SHROOM3: variants seen among roughly 807,000 people sequenced by gnomAD.
The protein encoded by SHROOM3 is shroom family member 3.
A neutral mutation model predicts 138.6 loss-of-function variants in SHROOM3; 47 were observed. The observed-to-expected ratio is 0.34, with a 90% CI of 0.27 to 0.43. The LOEUF is 0.43. SHROOM3 is among the 20% of genes least tolerant of loss of function. The pLI is 1.00. For missense variants in SHROOM3, 2,491 were observed against 2,596.5 expected (o/e 0.96, Z 0.88); for synonymous variants, 1,062 against 1,063.3 (o/e 1.00, Z 0.02).
intron 2 of SHROOM3, among the ~76,000 whole-genome samples, chr4:76,636,341 A>G (rs1177004192): frequency 6.6e-6 from 1 of 152,226 alleles, no homozygotes; most frequent in Non-Finnish European, 1.5e-5. Context: ...TCCAACCATT[A>G]GGAACTCTAA....
chr4:76,681,600 T>TGTGG (rs1719196506), intron 2 of SHROOM3, among the ~76,000 whole-genome samples: 1 of 123,730 alleles, frequency 8.1e-6, no homozygotes, highest in Non-Finnish European at 1.6e-5. Flanking sequence ...CTAGGGTGTG[T>TGTGG]GTGTGTGTGT....
intron 1 of SHROOM3, among the ~76,000 whole-genome samples, chr4:76,549,113 CA>C (rs1018361481): frequency 2.6e-5 from 4 of 152,034 alleles, no homozygotes; most frequent in Admixed American, 1.3e-4. Flanking sequence ...ATGAATAGTT[CA>C]AAAAAATTAC....
At chr4:76,557,718 C>T (rs1733515779) in intron 2 of SHROOM3, among the ~76,000 whole-genome samples, 1 of 152,158 alleles carries the variant, frequency 6.6e-6, no homozygotes, top group African/African-American at 2.4e-5. Flanking sequence ...ACATTGTACA[C>T]TTTGAATATA....
In SHROOM3 at chr4:76,609,417, A is replaced by G. The variant is rs540654967; in HGVS notation, c.323+53654A>G. On this transcript the variant is annotated intron_variant, in intron 2 of 10. Coordinates refer to ENST00000296043, the MANE Select transcript of SHROOM3 (RefSeq NM_020859.4). ...CTTGCTTCAGCCTCCTGGGTAGCTAAGACTACAGATTTATGCCACCATGCC... is the reference window on the plus strand; with the variant it reads ...CTTGCTTCAGCCTCCTGGGTAGCTAGGACTACAGATTTATGCCACCATGCC... Among the ~76,000 whole-genome samples, 6 of 152,294 alleles carry G rather than the reference A, an allele frequency of 3.9e-5. No individual in the cohort carries two copies. The South Asian group carries it at 1.2e-3, about 32-fold the overall frequency.
intron 2 of SHROOM3, among the ~76,000 whole-genome samples, chr4:76,608,600 CATAGCATAGCATTGGACAGAGATGGT>C (rs1560563199): frequency 5.5e-5 from 6 of 109,968 alleles, no homozygotes; most frequent in African/African-American, 1.1e-4. Context: ...CATAGCATAG[CATAGCATAGCATTGGACAGAGATGGT>C]ATAGCATAGC....
chr4:76,728,901 G>C lies in SHROOM3; in HGVS notation c.456-1903G>C, dbSNP rs942941327. Among the ~76,000 whole-genome samples, 5 of 151,854 alleles carry C rather than the reference G, an allele frequency of 3.3e-5. No individual in the cohort carries two copies. The South Asian group carries it at 8.3e-4, about 25-fold the overall frequency. ...GGGGAGCTCGGGGCAATACCTCACT[G>C]GGGAGCTCGGGGCTGGGCGCCTCAT... is the stretch of plus-strand genomic sequence containing the variant. On this transcript the variant is annotated intron_variant, in intron 3 of 10. Coordinates refer to ENST00000296043, the MANE Select transcript of SHROOM3 (RefSeq NM_020859.4).
chr4:76,546,390 C>T (rs991215407), intron 1 of SHROOM3, among the ~76,000 whole-genome samples: 1 of 152,196 alleles, frequency 6.6e-6, no homozygotes, highest in Non-Finnish European at 1.5e-5. Flanking sequence ...TACCCTGTGG[C>T]ACTCATTGCA....
At chr4:76,642,487 A>G (rs560691916) in intron 2 of SHROOM3, among the ~76,000 whole-genome samples, 2 of 152,302 alleles carry the variant, frequency 1.3e-5, no homozygotes, top group South Asian at 4.2e-4. Flanking sequence ...GGGATTAAGC[A>G]GGTTGGGAGG....
At chr4:76,545,339 C>T (rs1733190955) in intron 1 of SHROOM3, among the ~76,000 whole-genome samples, 4 of 152,138 alleles carry the variant, frequency 2.6e-5, no homozygotes, top group Admixed American at 1.3e-4. Context: ...CCCTTGTGGT[C>T]AGCTCCTTCC....
At chr4:76,610,726 T>A (rs1734742908) in intron 2 of SHROOM3, among the ~76,000 whole-genome samples, 1 of 152,192 alleles carries the variant, frequency 6.6e-6, no homozygotes, top group Non-Finnish European at 1.5e-5. Flanking sequence ...GCTGTTGGCA[T>A]CCGTGTAGAG....
intron 5 of SHROOM3, 85 bp from the exon 6 acceptor site, chr4:76,748,932 T>C (rs1024221495): frequency 7.5e-7 from 1 of 1,325,952 alleles, no homozygotes. Context: ...AAATAGGTGT[T>C]CCTTCTCCTT....
At chr4:76,625,330 T>C (rs1268163972) in intron 2 of SHROOM3, among the ~76,000 whole-genome samples, 2 of 152,230 alleles carry the variant, frequency 1.3e-5, no homozygotes, top group Non-Finnish European at 2.9e-5. Flanking sequence ...CTTCTTAGTT[T>C]TATACAGCTA....
At chr4:76,752,485 T>A (rs934249156) in intron 6 of SHROOM3, among the ~76,000 whole-genome samples, 4 of 151,918 alleles carry the variant, frequency 2.6e-5, no homozygotes, top group East Asian at 1.9e-4. Flanking sequence ...TTTTTTTTTT[T>A]AAAGCAAAAC....
rs531756798 is a variant in SHROOM3, at chr4:76,517,967, G to A, written c.169-37642G>A. Among the ~76,000 whole-genome samples, 89 of 152,334 alleles carry A rather than the reference G, an allele frequency of 5.8e-4. 3 individuals carry two copies. In the South Asian group the frequency reaches 0.018, roughly 30 times the overall value. On this transcript the variant is annotated intron_variant, in intron 1 of 10. Coordinates refer to ENST00000296043, the MANE Select transcript of SHROOM3 (RefSeq NM_020859.4). ...AACATGAAGACTTTTTCCTTACAAA[G>A]TAAATGATATGAATTGACTGTGGTA...
chr4:76,474,945 T>G lies in SHROOM3; in HGVS notation c.168+38725T>G, dbSNP rs150446132. Among the ~76,000 whole-genome samples, 1,116 of 151,940 alleles carry G rather than the reference T, an allele frequency of 7.3e-3. 13 individuals carry two copies. Among genetic ancestry groups the G allele is most frequent in the African/African-American group, 0.026 (1,069 of 41,444 alleles). On this transcript the variant is annotated intron_variant, in intron 1 of 10. Coordinates refer to ENST00000296043, the MANE Select transcript of SHROOM3 (RefSeq NM_020859.4). ...CTGGCTCAAAAAAAAAAAAATTTTT[T>G]TTTTGAGAAAGTGAGGAATGTGATT... is the stretch of plus-strand genomic sequence containing the variant.
chr4:76,457,247 A>G (rs1246984759), intron 1 of SHROOM3, among the ~76,000 whole-genome samples: 1 of 152,078 alleles, frequency 6.6e-6, no homozygotes, highest in African/African-American at 2.4e-5. Context: ...ATGGTTTAGC[A>G]CCATTACCTT....
chr4:76,444,445 T>C (rs556127720), intron 1 of SHROOM3, among the ~76,000 whole-genome samples: 1 of 150,260 alleles, frequency 6.7e-6, no homozygotes, highest in African/African-American at 2.4e-5. Flanking sequence ...AACAGCCTTC[T>C]TGAACCTCAG....
intron 4 of SHROOM3, among the ~76,000 whole-genome samples, chr4:76,734,854 A>G (rs758235825): frequency 1.4e-4 from 22 of 152,186 alleles, no homozygotes; most frequent in Admixed American, 3.9e-4. Context: ...AAGTAGTGGT[A>G]AGTGCTGTGA....
chr4:76,613,400 T>A (rs1356923788), intron 2 of SHROOM3, among the ~76,000 whole-genome samples: 1 of 152,202 alleles, frequency 6.6e-6, no homozygotes, highest in African/African-American at 2.4e-5. Context: ...GCTGTCAAGT[T>A]TTAGAACACA....
Sources: allele counts gnomAD v4.1 joint callset (sites outside exome capture counted in the v4.1 genomes callset), GRCh38; gene constraint gnomAD v4.1.1; transcripts MANE v1.5; gene names NCBI Gene and HGNC (gene_info 2026-07-23, HGNC 2026-07-21).